DCAF5: variants seen among roughly 807,000 people sequenced by gnomAD.
DCAF5 encodes DDB1 and CUL4 associated factor 5, also known as DDB1- and CUL4-associated factor 5.
A neutral mutation model predicts 80.7 loss-of-function variants in DCAF5; 9 were observed. The observed-to-expected ratio is 0.11, with a 90% confidence interval of 0.07 to 0.19. The LOEUF (loss-of-function observed/expected upper bound fraction) is 0.19. Among genes scored for constraint, DCAF5 ranks in the 10% least tolerant of loss-of-function variants. The probability of loss-of-function intolerance (pLI) is 1.00; values close to 1 mark genes in which losing one functional copy is unlikely to be tolerated. For missense variants in DCAF5, 842 were observed against 1,205.7 expected (o/e 0.70, Z 4.47); for synonymous variants, 433 against 461.9 (o/e 0.94, Z 0.80).
chr14:69,116,136 G>A (rs1478619490), intron 5 of DCAF5, among the ~76,000 whole-genome samples: 1 of 152,140 alleles, frequency 6.6e-6, no homozygotes. Flanking sequence ...AACTCACCCT[G>A]TCTACAGTCC....
chr14:69,138,220 T>C (rs1215349130), intron 1 of DCAF5, among the ~76,000 whole-genome samples: 3 of 152,162 alleles, frequency 2.0e-5, no homozygotes, highest in Admixed American at 1.3e-4. Flanking sequence ...GGAATTTAGA[T>C]ACAAGACTTG....
At chr14:69,145,380 C>T (rs1022709938) in intron 1 of DCAF5, among the ~76,000 whole-genome samples, 7 of 152,098 alleles carry the variant, frequency 4.6e-5, no homozygotes, top group African/African-American at 7.2e-5. Context: ...ATTTTATTCA[C>T]GTTAGCTAAT....
At chr14:69,078,708 C>G (rs1313844259) in intron 6 of DCAF5, among the ~76,000 whole-genome samples, 1 of 152,146 alleles carries the variant, frequency 6.6e-6, no homozygotes, top group African/African-American at 2.4e-5. Context: ...CATGAAAATT[C>G]AGACACGAAG....
chr14:69,096,244 G>A lies in DCAF5; in HGVS notation c.666-4357C>T, dbSNP rs542923997. On this transcript the variant is annotated intron_variant, in intron 5 of 8. Coordinates refer to ENST00000341516, the MANE Select transcript of DCAF5 (RefSeq NM_003861.3). Reference sequence around the variant, plus strand: ...ATGAAGAACCTGGGCTTTCTCTTTTGTTTTCCTAATGCACTCCTCAGTCCC... The same window carrying A: ...ATGAAGAACCTGGGCTTTCTCTTTTATTTTCCTAATGCACTCCTCAGTCCC... Among the ~76,000 whole-genome samples, 6 of 152,290 alleles carry A rather than the reference G, an allele frequency of 3.9e-5. No individual in the cohort carries two copies. The South Asian group carries it at 1.2e-3, about 32-fold the overall frequency.
intron 5 of DCAF5, among the ~76,000 whole-genome samples, chr14:69,097,408 C>T (rs1335723450): frequency 1.3e-5 from 2 of 151,838 alleles, no homozygotes; most frequent in African/African-American, 2.4e-5. Flanking sequence ...TTATAGTAAC[C>T]CTTCATAATT....
chr14:69,118,376 C>A lies in DCAF5; in HGVS notation c.396-98G>T. ...ACCGAGGGTGCCATCTTTTCCATTT[C>A]TAGAAGAAAGTCAACCTAGCTAAAC... On this transcript the variant is annotated intron_variant, in intron 3 of 8. Transcript: ENST00000341516. The surrounding 1 kb of genome is among the most constrained non-coding windows in gnomAD (Gnocchi z 4.0). 1 of 1,353,954 alleles carries A rather than the reference C, an allele frequency of 7.4e-7. No individual in the cohort carries two copies. The highest frequency in any genetic ancestry group is 1.9e-5 in the South Asian group (1 of 53,588). The allele number at this position is 1,353,954 out of a possible 1,614,324, so 83.9% of individuals were successfully genotyped here.
At position 69,118,465 on chromosome 14, in the gene DCAF5, T is replaced by C. The variant is rs746033603; in HGVS notation, c.396-187A>G. 2.0e-5 allele frequency among the ~76,000 whole-genome samples: 3 copies of C among 152,198 alleles called. No individual in the cohort carries two copies. The highest frequency in any genetic ancestry group is 4.4e-5 in the Non-Finnish European group (3 of 68,030). ...CTTTCAGGTTAAAAAAAAGGTACTA[T>C]TAAGGAGTCTTTTTAGAGATTTTAT... On this transcript the variant is annotated intron_variant, in intron 3 of 8. Coordinates refer to ENST00000341516, the MANE Select transcript of DCAF5 (RefSeq NM_003861.3). The surrounding 1 kb of genome is among the most constrained non-coding windows in gnomAD (Gnocchi z 4.0).
intron 6 of DCAF5, 92 bp downstream of exon 6, chr14:69,091,582 A>T: frequency 8.6e-7 from 1 of 1,169,222 alleles, no homozygotes; most frequent in Non-Finnish European, 1.2e-6. Flanking sequence ...TTTCTACCTG[A>T]CATAATGGTA....
chr14:69,065,166 C>T (rs1030286222), intron 7 of DCAF5, among the ~76,000 whole-genome samples: 4 of 139,032 alleles, frequency 2.9e-5, no homozygotes, highest in Non-Finnish European at 6.0e-5. Flanking sequence ...GGCTCGATCT[C>T]GGCTCACTGC....
intron 1 of DCAF5, among the ~76,000 whole-genome samples, chr14:69,128,821 C>T (rs945192051): frequency 3.3e-5 from 5 of 151,978 alleles, no homozygotes; most frequent in African/African-American, 1.2e-4. Context: ...GGCCCAGTGG[C>T]TCATGCCAGC....
intron 1 of DCAF5, among the ~76,000 whole-genome samples, chr14:69,131,284 A>G (rs774575079): frequency 5.9e-5 from 9 of 152,054 alleles, no homozygotes; most frequent in African/African-American, 2.2e-4. Context: ...TGTGAAGCCT[A>G]AAGGAAAATC....
chr14:69,085,332 CA>C, intron 6 of DCAF5: 1 of 695,682 alleles, frequency 1.4e-6, no homozygotes, highest in Non-Finnish European at 2.7e-6. Flanking sequence ...TTGAGAAGTC[CA>C]AAATCTTTAA....
intron 2 of DCAF5, 73 bp from the exon 3 acceptor site, chr14:69,119,303 T>C: frequency 1.3e-6 from 2 of 1,524,820 alleles, no homozygotes; most frequent in Non-Finnish European, 1.8e-6. Context: ...TTTAGTATTT[T>C]TAAGTTTTCA....
chr14:69,121,429 T>C (rs577578847), intron 2 of DCAF5, among the ~76,000 whole-genome samples: 12 of 152,288 alleles, frequency 7.9e-5, no homozygotes, highest in Non-Finnish European at 1.6e-4. Flanking sequence ...TCCAAGATCA[T>C]AGGTAGAATG....
intron 1 of DCAF5, among the ~76,000 whole-genome samples, chr14:69,141,328 C>A (rs1490866515): frequency 1.4e-5 from 2 of 143,910 alleles, no homozygotes; most frequent in African/African-American, 4.9e-5. Context: ...TATAACTTAT[C>A]CTTTAAACTG....
At position 69,052,037 on chromosome 14, in the gene DCAF5, T is replaced by C. The variant is rs574444635; in HGVS notation, c.*1820A>G. ...TTCTAATGTTGGTTACAGAATCACTTTCCCACTCCCCCAGTAAAAGTCCAG... is the reference window on the plus strand; with the variant it reads ...TTCTAATGTTGGTTACAGAATCACTCTCCCACTCCCCCAGTAAAAGTCCAG... On this transcript the variant is annotated 3_prime_UTR_variant, in exon 9 of 9. Transcript: ENST00000341516. The C allele has an allele frequency of 5.9e-5, 9 of 152,570 alleles. No homozygotes were observed. Among genetic ancestry groups the C allele is most frequent in the Non-Finnish European group, 5.9e-5 (4 of 68,024 alleles). The allele number at this position is 152,570 out of a possible 1,614,324, so 9.5% of individuals were successfully genotyped here.
chr14:69,073,128 A>G (rs921811923), intron 7 of DCAF5, among the ~76,000 whole-genome samples: 2 of 152,258 alleles, frequency 1.3e-5, no homozygotes, highest in Non-Finnish European at 2.9e-5. Context: ...TAAATGGGGT[A>G]GAACAAATTC....
In DCAF5 at chr14:69,091,498, T is replaced by C. The variant is rs545527057; in HGVS notation, c.879+176A>G. On this transcript the variant is annotated intron_variant, in intron 6 of 8. Transcript: ENST00000341516. ...TGGTGTGTGCCTTGTATTTACCCAT[T>C]GACAGCCTTGATAAAGAAACTCACT... 2.6e-5 allele frequency among the ~76,000 whole-genome samples: 4 copies of C among 152,250 alleles called. No homozygotes were observed. The South Asian group carries it at 6.2e-4, about 24-fold the overall frequency.
intron 2 of DCAF5, among the ~76,000 whole-genome samples, chr14:69,121,678 A>G (rs1329748501): frequency 6.6e-6 from 1 of 152,110 alleles, no homozygotes; most frequent in African/African-American, 2.4e-5. Flanking sequence ...CAGCTCAGAA[A>G]AGAGGTCAGA....
Sources: gnomAD v4.1 joint callset for allele counts (sites outside exome capture counted in the v4.1 genomes callset) on GRCh38, gnomAD v4.1.1 for gene constraint, Gnocchi (gnomAD v3.1) non-coding constraint, MANE v1.5 for transcripts, NCBI Gene and HGNC (gene_info 2026-07-23, HGNC 2026-07-21) for gene names.